Variants in FAM227A observed in about 807,000 individuals in gnomAD.
FAM227A encodes the protein protein FAM227A.
In FAM227A, 80 loss-of-function variants were observed where a neutral mutation model predicts 74.7. The ratio of observed to expected loss-of-function variants is 1.07; its 90% CI spans 0.89 to 1.29. The LOEUF is 1.29. FAM227A is among the 50% of genes most tolerant of loss of function. The pLI is 0.00. For synonymous variants in FAM227A, 237 were observed against 241.8 expected, an observed-to-expected ratio of 0.98 and a Z score of 0.19; for missense variants, 654 against 683.4, an observed-to-expected ratio of 0.96 and a Z score of 0.48.
rs1569240283 is a variant in FAM227A at position 38,645,606 on chromosome 22, AT to A, written c.181del (p.Ile61LeufsTer4). On this transcript the variant is annotated frameshift_variant, in exon 3 of 17. Coordinates refer to ENST00000535113, the MANE Select transcript of FAM227A (RefSeq NM_001013647.2). LOFTEE classifies it high-confidence loss of function. ...IGSMHQVNQK[I>X]ADINLRTEPS... ...CTCGGTACGCAGATTTATGTCAGCA[AT>A]CTTTTGGTTCACCTGGTGCATGGAG... 6.4e-7 allele frequency: 1 copy of A among 1,551,404 alleles called. No homozygotes were observed. Among genetic ancestry groups the A allele is most frequent in the Non-Finnish European group, 8.7e-7 (1 of 1,146,896 alleles).
chr22:38,611,587 G>A (rs2091415800), intron 11 of FAM227A, among the ~76,000 whole-genome samples: 1 of 152,144 alleles, frequency 6.6e-6, no homozygotes, highest in African/African-American at 2.4e-5. Context: ...TGCCCATTTT[G>A]TGGATAAAAA....
At chr22:38,644,945 C>T (rs1055320950) in intron 3 of FAM227A, among the ~76,000 whole-genome samples, 3 of 151,792 alleles carry the variant, frequency 2.0e-5, no homozygotes, top group Admixed American at 6.6e-5. Context: ...AAAAATTAGC[C>T]GGGTATGGTG....
In FAM227A at chr22:38,642,671, C is replaced by G. The variant is rs553981182; in HGVS notation, c.225+2892G>C. ...TTCAAAGAGGCCGGGCGTGGTGGCT[C>G]ACGCCTGTAATCCCAGCACTTTGGG... On this transcript the variant is annotated intron_variant, in intron 3 of 16. Transcript: ENST00000535113. Among the ~76,000 whole-genome samples the G allele has an allele frequency of 1.3e-3, 200 of 152,364 alleles. 2 individuals carry two copies. Among genetic ancestry groups the G allele is most frequent in the African/African-American group, 4.7e-3 (194 of 41,588 alleles).
chr22:38,644,956 G>A (rs964704331), intron 3 of FAM227A, among the ~76,000 whole-genome samples: 4 of 152,064 alleles, frequency 2.6e-5, no homozygotes, highest in African/African-American at 7.2e-5. Flanking sequence ...GGGTATGGTG[G>A]CACACGGCTG....
chr22:38,595,063 A>G (rs567696384), intron 15 of FAM227A, among the ~76,000 whole-genome samples: 2 of 152,340 alleles, frequency 1.3e-5, no homozygotes, highest in South Asian at 4.1e-4. Flanking sequence ...GCACCACTGC[A>G]ATGCAGCCTG....
chr22:38,625,297 G>A (rs958117811), intron 9 of FAM227A, among the ~76,000 whole-genome samples: 1 of 151,708 alleles, frequency 6.6e-6, no homozygotes, highest in Non-Finnish European at 1.5e-5. Context: ...GCTGAGGCAG[G>A]AGAATGGCAA....
At chr22:38,620,374 T>C in intron 10 of FAM227A, 83 bp from the exon 11 acceptor site, 1 of 1,107,808 alleles carries the variant, frequency 9.0e-7, no homozygotes, top group Non-Finnish European at 1.3e-6. Flanking sequence ...GACAGCCTCC[T>C]TTCTGGAGAC....
intron 15 of FAM227A, among the ~76,000 whole-genome samples, chr22:38,594,611 T>C (rs2091004836): frequency 6.6e-6 from 1 of 152,144 alleles, no homozygotes; most frequent in Non-Finnish European, 1.5e-5. Flanking sequence ...TTGGTGGTGG[T>C]GATGTCTAAT....
chr22:38,623,275 G>A lies in FAM227A; in HGVS notation c.855C>T (p.Thr285=), dbSNP rs1391100423. 5.8e-6 allele frequency: 9 copies of A among 1,549,614 alleles called. No individual in the cohort carries two copies. Among genetic ancestry groups the A allele is most frequent in the African/African-American group, 1.4e-5 (1 of 73,022 alleles). ...TGTCATAGCTCTGTGGGCTAGGATA[G>A]GTGCCTAAGGGAGGAGTCAAGAGTG... ...CNTMSLWISG[T]YPSPQSYDSW... is the part of the protein sequence containing the mutation. The change falls in exon 10 of 17, where the codon ACC becomes ACT. Residue 285 remains threonine, a synonymous_variant. Coordinates refer to ENST00000535113, the MANE Select transcript of FAM227A (RefSeq NM_001013647.2).
At chr22:38,590,761 G>A (rs1156761200) in intron 16 of FAM227A, among the ~76,000 whole-genome samples, 1 of 152,146 alleles carries the variant, frequency 6.6e-6, no homozygotes, top group Non-Finnish European at 1.5e-5. Context: ...ACTAAAATGA[G>A]AGTGGTGTGA....
intron 14 of FAM227A, 99 bp from the exon 15 acceptor site, chr22:38,597,455 G>A: frequency 8.5e-7 from 1 of 1,169,854 alleles, no homozygotes. Flanking sequence ...GGGGCATGGA[G>A]GACAGAACAG....
intron 1 of FAM227A, 23 bp from the exon 2 acceptor site, chr22:38,650,285 A>G: frequency 9.8e-7 from 1 of 1,023,158 alleles, no homozygotes; most frequent in Non-Finnish European, 1.4e-6. Flanking sequence ...AACAGCATAG[A>G]GCCAGCTCAG....
chr22:38,632,163 G>A (rs752233830), intron 6 of FAM227A, among the ~76,000 whole-genome samples: 23 of 152,254 alleles, frequency 1.5e-4, no homozygotes, highest in Non-Finnish European at 2.8e-4. Flanking sequence ...GGGATGGAGC[G>A]ATATGGGAGT....
At chr22:38,632,769 T>C (rs1332465677) in intron 6 of FAM227A, among the ~76,000 whole-genome samples, 2 of 152,038 alleles carry the variant, frequency 1.3e-5, no homozygotes, top group African/African-American at 2.4e-5. Context: ...AACTTCAAAA[T>C]GCAGGGAGTT....
At chr22:38,603,471 G>C (rs1275998523) in intron 13 of FAM227A, among the ~76,000 whole-genome samples, 1 of 147,144 alleles carries the variant, frequency 6.8e-6, no homozygotes, top group Non-Finnish European at 1.5e-5. Flanking sequence ...CTGGGCAACA[G>C]AGTGAGACTC....
chr22:38,638,640 C>T (rs2092051380), intron 5 of FAM227A, 106 bp downstream of exon 5: 2 of 824,254 alleles, frequency 2.4e-6, no homozygotes, highest in African/African-American at 1.7e-5. Flanking sequence ...ATTTTTCCTT[C>T]ATAATCACTA....
At chr22:38,634,921 C>A (rs1555970064) in intron 6 of FAM227A, among the ~76,000 whole-genome samples, 3 of 152,002 alleles carry the variant, frequency 2.0e-5, no homozygotes, top group Non-Finnish European at 4.4e-5. Context: ...CGACATAGCC[C>A]AGAGAGAAGG....
intron 5 of FAM227A, among the ~76,000 whole-genome samples, chr22:38,638,383 G>A (rs1457266301): frequency 6.6e-6 from 1 of 152,196 alleles, no homozygotes; most frequent in Admixed American, 6.5e-5. Flanking sequence ...CAGCAACTCT[G>A]CAGTGGTACA....
At chr22:38,624,338 G>C (rs561382834) in intron 9 of FAM227A, among the ~76,000 whole-genome samples, 2 of 151,860 alleles carry the variant, frequency 1.3e-5, no homozygotes, top group South Asian at 4.2e-4. Flanking sequence ...CCTGGAGGCA[G>C]AGATCCTGCC....
Sources: allele counts gnomAD v4.1 joint callset (sites outside exome capture counted in the v4.1 genomes callset), GRCh38; gene constraint gnomAD v4.1.1; transcripts MANE v1.5; gene names NCBI Gene and HGNC (gene_info 2026-07-23, HGNC 2026-07-21).